STAT5B: variants seen among roughly 807,000 people sequenced by gnomAD.
STAT5B encodes the protein signal transducer and activator of transcription 5B.
In STAT5B, 21 loss-of-function variants were observed where a neutral mutation model predicts 107.8. The observed-to-expected ratio is 0.19, with a 90% CI of 0.14 to 0.28. The LOEUF (loss-of-function observed/expected upper bound fraction) is 0.28, where lower values mean the gene tolerates loss of function less well. Ranked by LOEUF, STAT5B falls within the 10% of genes least tolerant of loss-of-function variation. STAT5B has a pLI of 1.00. For missense variants in STAT5B, 565 were observed against 1,008.2 expected, an observed-to-expected ratio of 0.56 and a Z score of 5.95; for synonymous variants, 325 against 401.7, an observed-to-expected ratio of 0.81 and a Z score of 2.28.
At position 42,217,189 on chromosome 17, in the gene STAT5B, C is replaced by T. The variant is rs1015271488; in HGVS notation, c.1351G>A (p.Gly451Ser). The T allele has an allele frequency of 1.2e-6, 2 of 1,613,830 alleles. No homozygotes were observed. Among genetic ancestry groups the T allele is most frequent in the Non-Finnish European group, 1.7e-6 (2 of 1,179,882 alleles). Residue 451 changes from glycine (G) to serine (S), a missense_variant, in exon 11 of 19, where the codon GGT (glycine) becomes AGT (serine). Physicochemically the swap from Gly to Ser is moderately conservative, Grantham distance 56. Coordinates refer to ENST00000293328, the MANE Select transcript of STAT5B (RefSeq NM_012448.4). ...ACTTGAAAAACCAGCTCATTTCCAC[C>T]AACACTGAACTGGGATTCAAACAGG... is the stretch of plus-strand genomic sequence containing the variant. ...TILFESQFSV[G>S]GNELVFQVKT...
intron 5 of STAT5B, among the ~76,000 whole-genome samples, chr17:42,221,992 G>A (rs1351062919): frequency 7.3e-6 from 1 of 137,734 alleles, no homozygotes; most frequent in African/African-American, 2.8e-5. Flanking sequence ...GCTGTGTGTG[G>A]TGTGGTGTGT....
At chr17:42,239,302 ATGT>A (rs925364513) in intron 1 of STAT5B, among the ~76,000 whole-genome samples, 2 of 151,688 alleles carry the variant, frequency 1.3e-5, no homozygotes, top group African/African-American at 4.8e-5. Context: ...TCCTTCTAAT[ATGT>A]TGTTGAACAG....
chr17:42,216,906 T>C (rs372819997), intron 11 of STAT5B, among the ~76,000 whole-genome samples: 6 of 152,162 alleles, frequency 3.9e-5, no homozygotes, highest in African/African-American at 1.4e-4. Flanking sequence ...CTTGAACTCT[T>C]GACCTCAAGT....
intron 1 of STAT5B, among the ~76,000 whole-genome samples, chr17:42,263,871 GCACACACACACACACACACA>G (rs3222522): frequency 3.4e-5 from 5 of 144,936 alleles, no homozygotes; most frequent in South Asian, 2.2e-4. Flanking sequence ...TAGAAAGCGC[GCACACACACACACACACACA>G]CACACACACA....
chr17:42,219,542 G>C, intron 6 of STAT5B, 79 bp from the exon 7 acceptor site: 2 of 1,156,526 alleles, frequency 1.7e-6, no homozygotes, highest in Non-Finnish European at 2.4e-6. Flanking sequence ...GGCAGGGCAG[G>C]GCCCAGGCCG....
At chr17:42,277,305 C>G (rs2080774201), upstream of STAT5B, among the ~76,000 whole-genome samples, 2 of 152,250 alleles carry the variant, frequency 1.3e-5, no homozygotes, top group South Asian at 4.1e-4. Flanking sequence ...GCTCCAGAAG[C>G]CAAGCTGCAG....
At chr17:42,265,257 G>C (rs2080657800) in intron 1 of STAT5B, among the ~76,000 whole-genome samples, 1 of 151,824 alleles carries the variant, frequency 6.6e-6, no homozygotes, top group South Asian at 2.1e-4. Context: ...CATCGCTTTT[G>C]GTGTTTTAGA....
In STAT5B at chr17:42,217,448, T is replaced by A; in HGVS notation, c.1186A>T (p.Ile396Phe). The change falls in exon 10 of 19, where the codon ATC becomes TTC. Residue 396 changes from isoleucine (I) to phenylalanine (F), a missense_variant. Physicochemically the swap from Ile to Phe is conservative, Grantham distance 21. Transcript: ENST00000293328. ...ENTRNDYSGE[I>F]LNNCCVMEYH... ...TCCATGACGCAGCAGTTGTTCAAGA[T>A]CTCGCCACTGTAATCACTGCAAATC... 6.2e-7 allele frequency: 1 copy of A among 1,614,174 alleles called. No individual in the cohort carries two copies. Among genetic ancestry groups the A allele is most frequent in the Non-Finnish European group, 8.5e-7 (1 of 1,180,026 alleles).
intron 1 of STAT5B, chr17:42,270,798 G>T (rs943345135): frequency 6.6e-6 from 1 of 152,148 alleles, no homozygotes; most frequent in Non-Finnish European, 1.5e-5. Flanking sequence ...GAACAGTAAT[G>T]TGACCTTGGA....
At position 42,217,162 on chromosome 17, in the gene STAT5B, T is replaced by C. The variant is rs1379515978; in HGVS notation, c.1378A>G (p.Lys460Glu). Residue 460 changes from lysine (K) to glutamate (E), a missense_variant and splice_region_variant, in exon 11 of 19, where the codon AAG becomes GAG. By Grantham distance (56) the Lys-to-Glu change is moderately conservative. Coordinates refer to ENST00000293328, the MANE Select transcript of STAT5B (RefSeq NM_012448.4). ...VGGNELVFQV[K>E]TLSLPVVVIV... ...GCAGAGCTGAGGGAAGGCTTTACCT[T>C]GACTTGAAAAACCAGCTCATTTCCA... 6.2e-7 allele frequency: 1 copy of C among 1,612,032 alleles called. No homozygotes were observed. Among genetic ancestry groups the C allele is most frequent in the South Asian group, 1.1e-5 (1 of 90,714 alleles).
intron 1 of STAT5B, among the ~76,000 whole-genome samples, chr17:42,232,904 A>G (rs2080328706): frequency 6.6e-6 from 1 of 150,652 alleles, no homozygotes; most frequent in African/African-American, 2.5e-5. Flanking sequence ...GGCAGTGGCA[A>G]GATCTCGGCT....
chr17:42,264,561 T>C (rs1436292455), intron 1 of STAT5B, among the ~76,000 whole-genome samples: 1 of 152,148 alleles, frequency 6.6e-6, no homozygotes, highest in Non-Finnish European at 1.5e-5. Flanking sequence ...GGCTGCATAG[T>C]ATTCCATGGT....
chr17:42,274,316 T>G (rs2080746890), intron 1 of STAT5B, among the ~76,000 whole-genome samples: 1 of 148,820 alleles, frequency 6.7e-6, no homozygotes, highest in Non-Finnish European at 1.5e-5. Flanking sequence ...AACCTCTCCA[T>G]TCCTTCCCTG....
At chr17:42,221,247 C>T (rs1339520186) in intron 5 of STAT5B, among the ~76,000 whole-genome samples, 13 of 152,212 alleles carry the variant, frequency 8.5e-5, no homozygotes, top group Admixed American at 4.6e-4. Flanking sequence ...GCACGGCTAC[C>T]TCAGGAATCC....
chr17:42,243,652 C>A (rs1209264812), intron 1 of STAT5B, among the ~76,000 whole-genome samples: 3 of 152,116 alleles, frequency 2.0e-5, no homozygotes, highest in Non-Finnish European at 4.4e-5. Context: ...ACTCATTGTT[C>A]TATTCTTTCC....
chr17:42,227,767 T>G, intron 2 of STAT5B, 82 bp from the exon 3 acceptor site: 1 of 1,447,094 alleles, frequency 6.9e-7, no homozygotes, highest in Non-Finnish European at 9.5e-7. Flanking sequence ...TCCTACTTTT[T>G]CTTCAACTAA....
intron 2 of STAT5B, among the ~76,000 whole-genome samples, chr17:42,228,981 A>C (rs996633017): frequency 6.6e-6 from 1 of 152,216 alleles, no homozygotes; most frequent in Non-Finnish European, 1.5e-5. Flanking sequence ...ACCATAGTCC[A>C]TCAAATAGTA....
rs548718428 is a variant in STAT5B, at chr17:42,253,229, A to AT, written c.-10-21093dup. 1.2e-4 allele frequency among the ~76,000 whole-genome samples: 19 copies of AT among 152,238 alleles called. No homozygotes were observed. In the South Asian group the frequency reaches 3.9e-3, roughly 32 times the overall value. On this transcript the variant is annotated intron_variant, in intron 1 of 18. Transcript: ENST00000293328. ...ACACAGCCACCTTTGACTACAGACT[A>AT]TTTTTTATCCAAGATGTATTTCCAT...
intron 1 of STAT5B, among the ~76,000 whole-genome samples, chr17:42,238,737 G>A (rs1054942509): frequency 6.6e-6 from 1 of 151,396 alleles, no homozygotes; most frequent in Non-Finnish European, 1.5e-5. Context: ...AGGCTGTGCT[G>A]GGCCCTTTTA....
Sources: allele counts gnomAD v4.1 joint callset (sites outside exome capture counted in the v4.1 genomes callset), GRCh38; gene constraint gnomAD v4.1.1; transcripts MANE v1.5; gene names NCBI Gene and HGNC (gene_info 2026-07-23, HGNC 2026-07-21).